The following INPP4B variants were observed in gnomAD, a reference collection of about 807,000 sequenced individuals.
INPP4B encodes the protein inositol polyphosphate-4-phosphatase type II B.
A neutral mutation model predicts 122.5 loss-of-function variants in INPP4B; 55 were observed. The ratio of observed to expected loss-of-function variants is 0.45; its 90% CI spans 0.36 to 0.56. The LOEUF (loss-of-function observed/expected upper bound fraction) is 0.56, where lower values mean the gene tolerates loss of function less well. Among genes scored for constraint, INPP4B ranks in the 20% least tolerant of loss-of-function variants. INPP4B has a pLI of 0.00. For missense variants in INPP4B, 1,000 were observed against 1,097.7 expected (o/e 0.91, Z 1.26); for synonymous variants, 403 against 388.7 (o/e 1.04, Z -0.43).
chr4:142,292,672 T>G (rs111896395), intron 9 of INPP4B, among the ~76,000 whole-genome samples: 1 of 152,204 alleles, frequency 6.6e-6, no homozygotes, highest in Admixed American at 6.5e-5. Context: ...CATCAATGGA[T>G]AGATGAGGAT....
chr4:142,108,487 C>T (rs1054451256), intron 22 of INPP4B, among the ~76,000 whole-genome samples: 2 of 113,248 alleles, frequency 1.8e-5, no homozygotes, highest in South Asian at 6.1e-4. Flanking sequence ...ATATTAGCTT[C>T]CCTATCCTAC....
At chr4:142,215,892 C>CAAAAAAAAAAAAAAA (rs200657873) in intron 12 of INPP4B, among the ~76,000 whole-genome samples, 4 of 54,578 alleles carry the variant, frequency 7.3e-5, no homozygotes, top group Non-Finnish European at 1.3e-4. Flanking sequence ...GACTCTGTCT[C>CAAAAAAAAAAAAAAA]AAAAAAAAAA....
At chr4:142,067,951 C>T (rs1764599220) in intron 25 of INPP4B, among the ~76,000 whole-genome samples, 2 of 152,040 alleles carry the variant, frequency 1.3e-5, no homozygotes, top group Non-Finnish European at 2.9e-5. Flanking sequence ...GCAAGGCAGG[C>T]CAACATTCAA....
intron 2 of INPP4B, among the ~76,000 whole-genome samples, chr4:142,701,046 G>A (rs1434009093): frequency 1.3e-5 from 2 of 152,248 alleles, no homozygotes; most frequent in East Asian, 1.9e-4. Context: ...TGAAAGGCTA[G>A]AAGGCCAGTC....
rs145061934 is a variant in INPP4B at position 142,038,963 on chromosome 4, C to G, written c.2643-10049G>C. On this transcript the variant is annotated intron_variant, in intron 25 of 25. Coordinates refer to ENST00000262992, the MANE Select transcript of INPP4B (RefSeq NM_001101669.3). ...TGAGTAGCAGATCAGGGCTTTTATC[C>G]CTGTCTGTCTAATGAAAAAACCATA... is the stretch of plus-strand genomic sequence containing the variant. 6.2e-3 allele frequency among the ~76,000 whole-genome samples: 947 copies of G among 152,018 alleles called. 7 individuals carry two copies. The highest frequency in any genetic ancestry group is 8.9e-3 in the South Asian group (43 of 4,808).
chr4:142,814,534 A>C (rs1447152337), intron 1 of INPP4B, among the ~76,000 whole-genome samples: 2 of 152,120 alleles, frequency 1.3e-5, no homozygotes, highest in Admixed American at 1.3e-4. Flanking sequence ...TTTTTCTCCA[A>C]AATCATTTTA....
At chr4:142,592,173 A>C (rs1737642732) in intron 2 of INPP4B, among the ~76,000 whole-genome samples, 1 of 152,206 alleles carries the variant, frequency 6.6e-6, no homozygotes, top group Non-Finnish European at 1.5e-5. Context: ...AGTTTATTTT[A>C]AAGTTGAGTT....
intron 3 of INPP4B, among the ~76,000 whole-genome samples, chr4:142,445,146 C>T (rs1442056548): frequency 6.6e-6 from 1 of 151,882 alleles, no homozygotes; most frequent in Non-Finnish European, 1.5e-5. Flanking sequence ...CAAACCTACA[C>T]GTTCTGCACA....
At chr4:142,053,913 G>A (rs1274946719) in intron 25 of INPP4B, among the ~76,000 whole-genome samples, 1 of 152,058 alleles carries the variant, frequency 6.6e-6, no homozygotes, top group East Asian at 1.9e-4. Flanking sequence ...ATATAATTTA[G>A]TGTTTTAGAA....
intron 11 of INPP4B, among the ~76,000 whole-genome samples, chr4:142,245,355 G>C (rs1417392225): frequency 6.6e-6 from 1 of 152,070 alleles, no homozygotes; most frequent in African/African-American, 2.4e-5. Context: ...TAGGTCTTAT[G>C]TTTAAGTCTT....
At chr4:142,707,885 A>G (rs1183813473) in intron 2 of INPP4B, among the ~76,000 whole-genome samples, 1 of 152,218 alleles carries the variant, frequency 6.6e-6, no homozygotes, top group African/African-American at 2.4e-5. Flanking sequence ...TCAGAAGAAG[A>G]AAGATAAAGG....
At chr4:142,716,564 C>G (rs1488381134) in intron 2 of INPP4B, among the ~76,000 whole-genome samples, 1 of 152,202 alleles carries the variant, frequency 6.6e-6, no homozygotes, top group African/African-American at 2.4e-5. Flanking sequence ...ATCTTTCTCT[C>G]TTAAATAGCA....
chr4:142,136,379 A>C (rs969907844), intron 18 of INPP4B, among the ~76,000 whole-genome samples: 7 of 152,312 alleles, frequency 4.6e-5, no homozygotes, highest in African/African-American at 1.7e-4. Flanking sequence ...GCAAAGATAA[A>C]GTTATTTGGA....
At chr4:142,625,456 C>A (rs1255130901) in intron 2 of INPP4B, among the ~76,000 whole-genome samples, 1 of 152,242 alleles carries the variant, frequency 6.6e-6, no homozygotes, top group African/African-American at 2.4e-5. Flanking sequence ...AGGAGAACTA[C>A]AAACCACTGC....
intron 18 of INPP4B, among the ~76,000 whole-genome samples, chr4:142,144,351 T>A (rs1010211266): frequency 6.6e-6 from 1 of 151,914 alleles, no homozygotes; most frequent in Non-Finnish European, 1.5e-5. Flanking sequence ...CAAAATCCAG[T>A]GTCCCTTATC....
chr4:142,336,690 T>C (rs762367552), intron 7 of INPP4B, among the ~76,000 whole-genome samples: 15 of 152,204 alleles, frequency 9.9e-5, no homozygotes, highest in African/African-American at 3.1e-4. Context: ...CGGAAGCCAA[T>C]TGTAGCACGT....
intron 3 of INPP4B, among the ~76,000 whole-genome samples, chr4:142,459,149 T>C (rs1484642839): frequency 6.6e-6 from 1 of 152,068 alleles, no homozygotes; most frequent in African/African-American, 2.4e-5. Context: ...TTGTGTTTGT[T>C]AGGAAAGGTT....
At chr4:142,786,225 G>C (rs1284324503) in intron 1 of INPP4B, among the ~76,000 whole-genome samples, 1 of 152,074 alleles carries the variant, frequency 6.6e-6, no homozygotes, top group Non-Finnish European at 1.5e-5. Flanking sequence ...GATTAGGCTA[G>C]AGCCTCTTGT....
At chr4:142,763,756 A>G (rs1771679512) in intron 1 of INPP4B, among the ~76,000 whole-genome samples, 1 of 152,162 alleles carries the variant, frequency 6.6e-6, no homozygotes, top group East Asian at 1.9e-4. Context: ...CTATGGTTCA[A>G]TTTTTATGCC....
Sources: allele counts gnomAD v4.1 joint callset (sites outside exome capture counted in the v4.1 genomes callset), GRCh38; gene constraint gnomAD v4.1.1; transcripts MANE v1.5; gene names NCBI Gene and HGNC (gene_info 2026-07-23, HGNC 2026-07-21).